Variants in KCNH7 observed in about 807,000 individuals in gnomAD.
KCNH7 encodes voltage-gated inwardly rectifying potassium channel KCNH7.
A neutral mutation model predicts 120.8 loss-of-function variants in KCNH7; 49 were observed. That is an observed-to-expected ratio of 0.41 (90% confidence interval 0.32 to 0.51). KCNH7 has a LOEUF of 0.51. KCNH7 is among the 20% of genes least tolerant of loss of function. The pLI, the probability that KCNH7 is intolerant of heterozygous loss-of-function variation, is 0.38. For synonymous variants in KCNH7, 547 were observed against 516.1 expected (o/e 1.06, Z -0.81); for missense variants, 1,097 against 1,446.6 (o/e 0.76, Z 3.92).
chr2:162,496,282 G>C (rs1471511188), intron 6 of KCNH7, among the ~76,000 whole-genome samples: 3 of 152,136 alleles, frequency 2.0e-5, no homozygotes, highest in African/African-American at 7.2e-5. Flanking sequence ...AGTAAGGAAA[G>C]GTCCCCAGAG....
intron 2 of KCNH7, among the ~76,000 whole-genome samples, chr2:162,752,758 G>A (rs911740696): frequency 6.6e-6 from 1 of 151,016 alleles, no homozygotes; most frequent in South Asian, 2.1e-4. Flanking sequence ...AATTAGCCGG[G>A]TGTGATGGTG....
chr2:162,632,010 T>C (rs983182999), intron 2 of KCNH7, among the ~76,000 whole-genome samples: 3 of 151,938 alleles, frequency 2.0e-5, no homozygotes, highest in African/African-American at 7.2e-5. Context: ...GAACATCATA[T>C]GTAGGTCTTA....
At chr2:162,613,954 T>G (rs549457424) in intron 2 of KCNH7, among the ~76,000 whole-genome samples, 1 of 84,802 alleles carries the variant, frequency 1.2e-5, no homozygotes, top group Non-Finnish European at 2.8e-5. Context: ...AAAGAGAAAG[T>G]TTTTTTTTTT....
intron 9 of KCNH7, among the ~76,000 whole-genome samples, chr2:162,401,418 G>A (rs1687061131): frequency 6.6e-6 from 1 of 151,772 alleles, no homozygotes; most frequent in Admixed American, 6.6e-5. Context: ...ATTATATAGT[G>A]CAATTTACAG....
intron 2 of KCNH7, among the ~76,000 whole-genome samples, chr2:162,761,233 C>T (rs747855134): frequency 2.0e-5 from 3 of 152,024 alleles, no homozygotes; most frequent in Non-Finnish European, 4.4e-5. Flanking sequence ...GGGAGTTCTA[C>T]TGTAGGCATT....
intron 8 of KCNH7, among the ~76,000 whole-genome samples, chr2:162,424,354 T>C (rs1349506138): frequency 1.3e-5 from 2 of 152,218 alleles, no homozygotes; most frequent in African/African-American, 4.8e-5. Flanking sequence ...ATAAGCTCTT[T>C]AAGCACTTTC....
intron 2 of KCNH7, among the ~76,000 whole-genome samples, chr2:162,696,355 G>A (rs1327919022): frequency 2.0e-5 from 3 of 152,136 alleles, no homozygotes; most frequent in Admixed American, 2.0e-4. Context: ...TCTATTACTT[G>A]TGTAATGTGG....
At chr2:162,741,874 T>C (rs1204504323) in intron 2 of KCNH7, among the ~76,000 whole-genome samples, 6 of 152,204 alleles carry the variant, frequency 3.9e-5, no homozygotes, top group African/African-American at 1.4e-4. Flanking sequence ...TTTCTTGAAG[T>C]TAATATAATT....
chr2:162,463,934 T>C (rs1689232241), intron 6 of KCNH7, among the ~76,000 whole-genome samples: 1 of 151,986 alleles, frequency 6.6e-6, no homozygotes, highest in South Asian at 2.1e-4. Context: ...AAATCATGTA[T>C]TCTACTGAAA....
intron 2 of KCNH7, among the ~76,000 whole-genome samples, chr2:162,624,417 G>C (rs1299460813): frequency 6.6e-6 from 1 of 152,100 alleles, no homozygotes; most frequent in African/African-American, 2.4e-5. Context: ...TGGATTAGGA[G>C]GAAGGGCTGA....
intron 2 of KCNH7, among the ~76,000 whole-genome samples, chr2:162,614,396 C>T (rs1030249272): frequency 5.3e-5 from 8 of 151,828 alleles, no homozygotes; most frequent in South Asian, 2.1e-4. Flanking sequence ...TAAACACATG[C>T]ATAAGGAGAA....
intron 2 of KCNH7, among the ~76,000 whole-genome samples, chr2:162,670,128 G>A (rs1260926168): frequency 6.6e-6 from 1 of 150,542 alleles, no homozygotes; most frequent in East Asian, 2.0e-4. Context: ...GAAGAAAATT[G>A]ACTCCCAAAA....
intron 6 of KCNH7, among the ~76,000 whole-genome samples, chr2:162,495,759 A>G (rs1033844483): frequency 6.6e-6 from 1 of 152,190 alleles, no homozygotes; most frequent in African/African-American, 2.4e-5. Context: ...ACCCAGCTGC[A>G]GCTCAGAAGA....
chr2:162,752,993 GAAAAGAAAAGAAAAGAAAAGAA>G (rs1688647140), intron 2 of KCNH7, among the ~76,000 whole-genome samples: 1 of 133,894 alleles, frequency 7.5e-6, no homozygotes, highest in Non-Finnish European at 1.5e-5. Flanking sequence ...GAAAAGAAAA[GAAAAGAAAAGAAAAGAAAAGAA>G]AAGAAAAGAA....
chr2:162,581,306 CT>C (rs1251658031), intron 2 of KCNH7, among the ~76,000 whole-genome samples: 1 of 152,074 alleles, frequency 6.6e-6, no homozygotes, highest in Non-Finnish European at 1.5e-5. Context: ...AATAATTGCA[CT>C]TTTGTATCCG....
chr2:162,557,811 TTTTA>T (rs1329581988), intron 2 of KCNH7, among the ~76,000 whole-genome samples: 1 of 152,200 alleles, frequency 6.6e-6, no homozygotes, highest in Non-Finnish European at 1.5e-5. Flanking sequence ...TCGGTTACTC[TTTTA>T]TTTGATAGTT....
At chr2:162,514,329 T>G (rs1312710763) in intron 4 of KCNH7, among the ~76,000 whole-genome samples, 1 of 151,822 alleles carries the variant, frequency 6.6e-6, no homozygotes, top group African/African-American at 2.4e-5. Flanking sequence ...AATGTGTCTG[T>G]CAGAAGCTGG....
At chr2:162,805,230 A>T (rs143626143) in intron 2 of KCNH7, among the ~76,000 whole-genome samples, 6 of 152,208 alleles carry the variant, frequency 3.9e-5, no homozygotes, top group African/African-American at 1.4e-4. Flanking sequence ...AAAAATAAAT[A>T]AATGGTACCT....
chr2:162,565,734 T>C (rs1693229293), intron 2 of KCNH7, among the ~76,000 whole-genome samples: 1 of 152,088 alleles, frequency 6.6e-6, no homozygotes, highest in Non-Finnish European at 1.5e-5. Context: ...AAACTATTTA[T>C]AAACTTTATT....
Sources: allele counts gnomAD v4.1 joint callset (sites outside exome capture counted in the v4.1 genomes callset), GRCh38; gene constraint gnomAD v4.1.1; transcripts MANE v1.5; gene names NCBI Gene and HGNC (gene_info 2026-07-23, HGNC 2026-07-21).